Variants in VPS37A observed in about 807,000 individuals in gnomAD.
The protein encoded by VPS37A is vacuolar protein sorting-associated protein 37A.
A neutral mutation model predicts 49.8 loss-of-function variants in VPS37A; 30 were observed. That is an observed-to-expected ratio of 0.60 (90% CI 0.45 to 0.82). The LOEUF is 0.82. Ranked by LOEUF, VPS37A falls within the 40% of genes least tolerant of loss-of-function variation. The probability of loss-of-function intolerance (pLI) is 0.00; values close to 1 mark genes in which losing one functional copy is unlikely to be tolerated. For synonymous variants in VPS37A, 195 were observed against 160.6 expected (o/e 1.21, Z -1.62); for missense variants, 593 against 464.4 (o/e 1.28, Z -2.55).
Position 17,268,965 on chromosome 8 carries a change from A to T in VPS37A, c.416+9A>T, listed in dbSNP as rs747843130. 1.3e-6 allele frequency: 2 copies of T among 1,551,370 alleles called. No individual in the cohort carries two copies. The highest frequency in any genetic ancestry group is 2.8e-5 in the African/African-American group (2 of 72,458). On this transcript the variant is annotated intron_variant, in intron 4 of 11. Coordinates refer to ENST00000324849, the MANE Select transcript of VPS37A (RefSeq NM_152415.3). ...TCAACAGCATTTCCTTAGTAAGTATATTTCTAGTAAATAAAAAAGTCTGCC... is the reference window on the plus strand; with the variant it reads ...TCAACAGCATTTCCTTAGTAAGTATTTTTCTAGTAAATAAAAAAGTCTGCC...
In VPS37A at chr8:17,265,906, G is replaced by T; in HGVS notation, c.126-1G>T. 6.2e-7 allele frequency: 1 copy of T among 1,613,280 alleles called. No individual in the cohort carries two copies. The highest frequency in any genetic ancestry group is 8.5e-7 in the Non-Finnish European group (1 of 1,179,580). On this transcript the variant is annotated splice_acceptor_variant, in intron 1 of 11. Coordinates refer to ENST00000324849, the MANE Select transcript of VPS37A (RefSeq NM_152415.3). LOFTEE classifies it high-confidence loss of function. ...AAATTTTTTAAAATTTTCTCCTGCA[G>T]TATAGCCGAAATACAGAAAGATGTG... is the stretch of plus-strand genomic sequence containing the variant.
At chr8:17,278,799 A>G (rs1814763890) in intron 6 of VPS37A, among the ~76,000 whole-genome samples, 2 of 152,056 alleles carry the variant, frequency 1.3e-5, no homozygotes, top group African/African-American at 4.8e-5. Flanking sequence ...GTGTTGATAT[A>G]ACTTAGAATA....
chr8:17,279,839 G>T (rs913861250), intron 6 of VPS37A, 189 bp from the exon 7 acceptor site: 8 of 700,116 alleles, frequency 1.1e-5, no homozygotes, highest in Non-Finnish European at 1.8e-5. Flanking sequence ...ATATATTACA[G>T]ACTGCTCTAT....
intron 10 of VPS37A, among the ~76,000 whole-genome samples, chr8:17,285,212 C>A (rs982599225): frequency 1.3e-5 from 2 of 152,088 alleles, no homozygotes; most frequent in Non-Finnish European, 2.9e-5. Context: ...TTTAGACTTG[C>A]TTTTTCTGAG....
intron 1 of VPS37A, chr8:17,248,481 GGTC>G (rs1811644015): frequency 2.4e-6 from 1 of 418,962 alleles, no homozygotes; most frequent in Non-Finnish European, 4.9e-6. Flanking sequence ...TCACCACATT[GGTC>G]AGGCTGGTCT....
intron 1 of VPS37A, among the ~76,000 whole-genome samples, chr8:17,257,528 C>G (rs1812583742): frequency 1.3e-5 from 2 of 152,098 alleles, no homozygotes; most frequent in Non-Finnish European, 2.9e-5. Context: ...GGAGAAATAC[C>G]TAATGTAGGT....
At chr8:17,258,627 C>G (rs1210392355) in intron 1 of VPS37A, among the ~76,000 whole-genome samples, 3 of 151,910 alleles carry the variant, frequency 2.0e-5, no homozygotes, top group Non-Finnish European at 4.4e-5. Context: ...ATGGGTGATG[C>G]TGATCTTGTA....
At chr8:17,323,392 C>G in the VPS37A span, among the ~76,000 whole-genome samples, 1 of 152,014 alleles carries the variant, frequency 6.6e-6, no homozygotes, top group Non-Finnish European at 1.5e-5. Flanking sequence ...AGTCAATATA[C>G]AAACGGAGCC....
At chr8:17,319,151 G>C in the VPS37A span, among the ~76,000 whole-genome samples, 2 of 152,188 alleles carry the variant, frequency 1.3e-5, no homozygotes, top group Admixed American at 1.3e-4. Context: ...ATGTTTAAGG[G>C]CTTCAGAGGC....
chr8:17,303,198 T>C (rs1432758098), downstream of VPS37A, among the ~76,000 whole-genome samples: 2 of 152,182 alleles, frequency 1.3e-5, no homozygotes, highest in Admixed American at 6.5e-5. Context: ...CAATAAAATA[T>C]GTGTTGACTA....
chr8:17,255,392 A>G (rs1812348526), intron 1 of VPS37A, among the ~76,000 whole-genome samples: 1 of 152,130 alleles, frequency 6.6e-6, no homozygotes. Context: ...GAGGCAGGAC[A>G]ATCACGTGAA....
At chr8:17,273,412 G>A (rs1488057955) in intron 4 of VPS37A, among the ~76,000 whole-genome samples, 1 of 152,138 alleles carries the variant, frequency 6.6e-6, no homozygotes, top group African/African-American at 2.4e-5. Context: ...TTTTCCCCAG[G>A]CTGGAGTGCA....
chr8:17,265,584 G>T (rs557358739), intron 1 of VPS37A, among the ~76,000 whole-genome samples: 1 of 152,170 alleles, frequency 6.6e-6, no homozygotes, highest in Non-Finnish European at 1.5e-5. Context: ...TGTATTAACC[G>T]GAGAGCACAC....
At chr8:17,283,126 T>G (rs182456595) in intron 9 of VPS37A, among the ~76,000 whole-genome samples, 8 of 152,286 alleles carry the variant, frequency 5.3e-5, no homozygotes, top group Admixed American at 5.2e-4. Flanking sequence ...CATTTTTATT[T>G]ATGAGTCACA....
intron 2 of VPS37A, among the ~76,000 whole-genome samples, chr8:17,267,393 G>A (rs1813568872): frequency 6.6e-6 from 1 of 152,068 alleles, no homozygotes; most frequent in Non-Finnish European, 1.5e-5. Context: ...TTCATATCCA[G>A]TAAACTCTCA....
intron 1 of VPS37A, among the ~76,000 whole-genome samples, chr8:17,258,079 A>G (rs1481710307): frequency 6.6e-6 from 1 of 152,096 alleles, no homozygotes; most frequent in Non-Finnish European, 1.5e-5. Context: ...CAGTCGTAAC[A>G]TTGTGTCATC....
chr8:17,324,943 G>C, the VPS37A span, among the ~76,000 whole-genome samples: 1 of 152,218 alleles, frequency 6.6e-6, no homozygotes, highest in East Asian at 1.9e-4. Flanking sequence ...ACATCTGGTA[G>C]AATTTCACAG....
At chr8:17,280,692 G>A (rs1335057980) in intron 9 of VPS37A, among the ~76,000 whole-genome samples, 1 of 151,520 alleles carries the variant, frequency 6.6e-6, no homozygotes, top group Non-Finnish European at 1.5e-5. Flanking sequence ...AACTTTTCTG[G>A]GTAAGTTATG....
At chr8:17,311,108 A>G in the VPS37A span, among the ~76,000 whole-genome samples, 2 of 152,232 alleles carry the variant, frequency 1.3e-5, no homozygotes, top group Admixed American at 1.3e-4. Flanking sequence ...CCTACCAAGG[A>G]CTTTTGGCAT....
Sources: allele counts gnomAD v4.1 joint callset (sites outside exome capture counted in the v4.1 genomes callset), GRCh38; gene constraint gnomAD v4.1.1; transcripts MANE v1.5; gene names NCBI Gene and HGNC (gene_info 2026-07-23, HGNC 2026-07-21).